The following SDK1 variants were observed in gnomAD, a reference collection of about 807,000 sequenced individuals.
SDK1 encodes the protein sidekick cell adhesion molecule 1, also known as protein sidekick-1.
SDK1 carries 157 observed loss-of-function variants against 245.5 expected under a neutral mutation model. The ratio of observed to expected loss-of-function variants is 0.64; its 90% CI spans 0.56 to 0.73. SDK1 has a LOEUF of 0.73. Ranked by LOEUF, SDK1 falls within the 30% of genes least tolerant of loss-of-function variation. SDK1 has a pLI of 0.00. For missense variants in SDK1, 3,583 were observed against 3,002.3 expected (o/e 1.19, Z -4.52); for synonymous variants, 1,647 against 1,278.5 (o/e 1.29, Z -6.15).
intron 1 of SDK1, among the ~76,000 whole-genome samples, chr7:3,481,453 C>T (rs1170240636): frequency 6.6e-6 from 1 of 152,242 alleles, no homozygotes; most frequent in Non-Finnish European, 1.5e-5. Flanking sequence ...ATGCCCTCTA[C>T]ACGCTGTTCT....
chr7:4,114,196 G>A lies in SDK1; in HGVS notation c.3745G>A (p.Glu1249Lys), dbSNP rs141814484. ...IEELEEWMEY[E>K]LQMQAFNAVG... is the part of the protein sequence containing the mutation. ...GGAGCTGGAGGAGTGGATGGAATAC[G>A]AGCTGCAGATGCAGGCCTTCAACGC... The change falls in exon 25 of 45, where the codon GAG becomes AAG. Residue 1249 changes from glutamate (E) to lysine (K), a missense_variant. Coordinates refer to ENST00000404826, the MANE Select transcript of SDK1 (RefSeq NM_152744.4). The A allele has an allele frequency of 1.4e-5, 23 of 1,614,006 alleles. No homozygotes were observed. The highest frequency in any genetic ancestry group is 3.3e-4 in the Middle Eastern group (2 of 5,974).
intron 1 of SDK1, among the ~76,000 whole-genome samples, chr7:3,374,227 AC>A (rs1272390579): frequency 6.6e-6 from 1 of 151,972 alleles, no homozygotes; most frequent in African/African-American, 2.4e-5. Context: ...AAAGTGGCTC[AC>A]TCCTTATGAG....
chr7:4,172,460 G>A (rs1041805733), intron 32 of SDK1, among the ~76,000 whole-genome samples: 6 of 152,176 alleles, frequency 3.9e-5, no homozygotes, highest in Non-Finnish European at 7.4e-5. Context: ...CTTCCTCCAC[G>A]TTTGGGTTTT....
At chr7:4,228,376 C>T (rs1043561788) in intron 40 of SDK1, among the ~76,000 whole-genome samples, 1 of 152,222 alleles carries the variant, frequency 6.6e-6, no homozygotes, top group East Asian at 1.9e-4. Flanking sequence ...CCTCCACAGA[C>T]ATGAAGTGGC....
chr7:3,843,817 CT>C (rs559619692), intron 5 of SDK1, among the ~76,000 whole-genome samples: 1 of 152,044 alleles, frequency 6.6e-6, no homozygotes. Flanking sequence ...GAACTCTAAA[CT>C]TTTGTTTGAT....
chr7:4,032,910 G>A (rs1787934203), intron 17 of SDK1, among the ~76,000 whole-genome samples: 1 of 152,196 alleles, frequency 6.6e-6, no homozygotes, highest in Admixed American at 6.5e-5. Flanking sequence ...ATTTAGAATT[G>A]TCACATGATC....
rs377694629 is a variant in SDK1 at position 4,056,615 on chromosome 7, T to G, written c.2911+4785T>G. ...GGTCCACATTCCCACCACAGACTCC[T>G]GCAATCCGAGCCACAGGAAAGCCCC... On this transcript the variant is annotated intron_variant, in intron 19 of 44. Transcript: ENST00000404826. Among the ~76,000 whole-genome samples the G allele has an allele frequency of 6.6e-3, 1,005 of 152,158 alleles. 7 individuals are homozygous for G. Among genetic ancestry groups the G allele is most frequent in the Non-Finnish European group, 0.011 (745 of 67,980 alleles).
At position 3,653,172 on chromosome 7, in the gene SDK1, A is replaced by G. The variant is rs1314447497; in HGVS notation, c.713+11067A>G. On this transcript the variant is annotated intron_variant, in intron 4 of 44. Coordinates refer to ENST00000404826, the MANE Select transcript of SDK1 (RefSeq NM_152744.4). ...CTTGAGTGCAGGTGGATCAGCAGAC[A>G]GATTACTGACGCCACCCCAGCTGAC... is the stretch of plus-strand genomic sequence containing the variant. Among the ~76,000 whole-genome samples, 3 of 152,186 alleles carry G rather than the reference A, an allele frequency of 2.0e-5. No homozygotes were observed. In the East Asian group the frequency reaches 5.8e-4, roughly 29 times the overall value.
intron 44 of SDK1, among the ~76,000 whole-genome samples, chr7:4,256,302 C>T (rs1283488619): frequency 6.6e-6 from 1 of 152,202 alleles, no homozygotes; most frequent in Non-Finnish European, 1.5e-5. Flanking sequence ...CTGCTGACCT[C>T]CTCACATTGC....
In SDK1 at chr7:4,233,383, T is replaced by C; in HGVS notation, c.5956T>C (p.Tyr1986His). 2 of 1,613,496 alleles carry C rather than the reference T, an allele frequency of 1.2e-6. No homozygotes were observed. Among genetic ancestry groups the C allele is most frequent in the Non-Finnish European group, 1.7e-6 (2 of 1,180,038 alleles). The change falls in exon 41 of 45, where the codon TAC becomes CAC. Residue 1986 changes from tyrosine (Y) to histidine (H), a missense_variant. By Grantham distance (83) the Tyr-to-His change is moderately conservative. Transcript: ENST00000404826. Reference sequence around the variant, plus strand: ...GGTGGTGGCTGTGAATGAGGCGGGCTACGGGGAGCCCAGCAACCCCTCCAC... The same window carrying C: ...GGTGGTGGCTGTGAATGAGGCGGGCCACGGGGAGCCCAGCAACCCCTCCAC... ...FRVVAVNEAG[Y>H]GEPSNPSTAV...
rs985686803 is a variant in SDK1, at chr7:3,492,322, G to A, written c.299-126758G>A. Among the ~76,000 whole-genome samples the A allele has an allele frequency of 5.3e-5, 8 of 152,050 alleles. No homozygotes were observed. The East Asian group carries it at 5.8e-4, about 11-fold the overall frequency. On this transcript the variant is annotated intron_variant, in intron 1 of 44. Coordinates refer to ENST00000404826, the MANE Select transcript of SDK1 (RefSeq NM_152744.4). ...ATCCTGGCTAACACGGTGAAACCCCGTCTCTACTAAAAATAGAAAAAATTA... is the reference window on the plus strand; with the variant it reads ...ATCCTGGCTAACACGGTGAAACCCCATCTCTACTAAAAATAGAAAAAATTA...
intron 4 of SDK1, among the ~76,000 whole-genome samples, chr7:3,755,183 G>T (rs778248448): frequency 6.6e-6 from 1 of 152,226 alleles, no homozygotes; most frequent in Non-Finnish European, 1.5e-5. Context: ...ATTGGAGGCT[G>T]TTGGCCTGGG....
intron 4 of SDK1, among the ~76,000 whole-genome samples, chr7:3,767,172 G>C (rs144863454): frequency 3.9e-5 from 6 of 152,278 alleles, no homozygotes; most frequent in Non-Finnish European, 4.4e-5. Flanking sequence ...TCACACACTG[G>C]AGGGCTGACT....
chr7:3,357,766 C>T (rs1780845029), intron 1 of SDK1, among the ~76,000 whole-genome samples: 1 of 152,048 alleles, frequency 6.6e-6, no homozygotes, highest in Admixed American at 6.6e-5. Context: ...AAACAAAGTC[C>T]CCAGTGACAG....
chr7:4,061,073 C>T (rs918737006), intron 19 of SDK1, among the ~76,000 whole-genome samples: 18 of 152,128 alleles, frequency 1.2e-4, no homozygotes, highest in African/African-American at 3.9e-4. Flanking sequence ...AGTCAGGTAG[C>T]GTGATGCTTC....
chr7:3,581,382 C>A (rs549140394), intron 1 of SDK1, among the ~76,000 whole-genome samples: 1 of 152,168 alleles, frequency 6.6e-6, no homozygotes. Context: ...ATGCAGCCAA[C>A]AAGCATATGA....
chr7:3,569,681 A>T (rs1300909178), intron 1 of SDK1, among the ~76,000 whole-genome samples: 1 of 152,248 alleles, frequency 6.6e-6, no homozygotes, highest in South Asian at 2.1e-4. Context: ...AGCCATGACT[A>T]TAGAATTATT....
chr7:3,689,727 T>C (rs886753720), intron 4 of SDK1, among the ~76,000 whole-genome samples: 2 of 152,188 alleles, frequency 1.3e-5, no homozygotes, highest in Non-Finnish European at 2.9e-5. Context: ...ATATAAGGCT[T>C]TTGCTCCGTT....
At chr7:4,021,594 C>T (rs1786900224) in intron 17 of SDK1, among the ~76,000 whole-genome samples, 1 of 152,186 alleles carries the variant, frequency 6.6e-6, no homozygotes, top group Non-Finnish European at 1.5e-5. Flanking sequence ...TGCCTCAGGT[C>T]ACAAGCCTGC....
Sources: allele counts gnomAD v4.1 joint callset (sites outside exome capture counted in the v4.1 genomes callset), GRCh38; gene constraint gnomAD v4.1.1; transcripts MANE v1.5; gene names NCBI Gene and HGNC (gene_info 2026-07-23, HGNC 2026-07-21).